The following SGCD variants were observed in gnomAD, a reference collection of about 807,000 sequenced individuals.
SGCD encodes delta-sarcoglycan.
SGCD carries 18 observed loss-of-function variants against 36.6 expected under a neutral mutation model. The ratio of observed to expected loss-of-function variants is 0.49; its 90% CI spans 0.34 to 0.73. The LOEUF is 0.73. SGCD is among the 30% of genes least tolerant of loss of function. SGCD has a pLI of 0.01. For synonymous variants in SGCD, 133 were observed against 130.6 expected, an observed-to-expected ratio of 1.02 and a Z score of -0.12; for missense variants, 387 against 346.7, an observed-to-expected ratio of 1.12 and a Z score of -0.92.
chr5:156,616,224 G>A (rs987929868), intron 6 of SGCD, among the ~76,000 whole-genome samples: 2 of 152,196 alleles, frequency 1.3e-5, no homozygotes, highest in Admixed American at 6.5e-5. Context: ...ACGATGGCCT[G>A]AGTTTTATTC....
At chr5:156,493,287 A>G (rs1175528327) in intron 3 of SGCD, among the ~76,000 whole-genome samples, 1 of 152,200 alleles carries the variant, frequency 6.6e-6, no homozygotes, top group African/African-American at 2.4e-5. Context: ...AATGTTGACC[A>G]TACAATAACT....
chr5:156,344,980 A>G (rs1768872835), intron 3 of SGCD, among the ~76,000 whole-genome samples: 1 of 152,248 alleles, frequency 6.6e-6, no homozygotes, highest in South Asian at 2.1e-4. Flanking sequence ...CACTTTGATT[A>G]AATAATTAAG....
intron 3 of SGCD, among the ~76,000 whole-genome samples, chr5:156,421,415 A>G (rs1176479639): frequency 6.6e-6 from 1 of 152,068 alleles, no homozygotes. Context: ...TCATATTAGT[A>G]TTGGTTTCTT....
intron 1 of SGCD, among the ~76,000 whole-genome samples, chr5:156,045,032 A>G (rs1581059885): frequency 6.6e-6 from 1 of 152,170 alleles, no homozygotes; most frequent in Non-Finnish European, 1.5e-5. Context: ...TGGTCAGGTG[A>G]GCACCTTCTT....
chr5:155,937,649 T>G (rs537027568), intron 1 of SGCD, among the ~76,000 whole-genome samples: 1 of 152,300 alleles, frequency 6.6e-6, no homozygotes, highest in South Asian at 2.1e-4. Flanking sequence ...TTCAGAGCAC[T>G]GTGGTCAAGA....
At chr5:156,136,512 T>C (rs759038808) in intron 3 of SGCD, among the ~76,000 whole-genome samples, 2 of 152,204 alleles carry the variant, frequency 1.3e-5, no homozygotes, top group Non-Finnish European at 2.9e-5. Context: ...TGTGTTTGGA[T>C]CCACTTAAGT....
At chr5:156,098,122 T>C (rs1315618988) in intron 1 of SGCD, among the ~76,000 whole-genome samples, 1 of 152,198 alleles carries the variant, frequency 6.6e-6, no homozygotes, top group African/African-American at 2.4e-5. Flanking sequence ...AAGAAGTATT[T>C]TGAGTCCACA....
the SGCD span, among the ~76,000 whole-genome samples, chr5:155,754,003 A>C: frequency 6.6e-6 from 1 of 151,948 alleles, no homozygotes; most frequent in East Asian, 1.9e-4. Flanking sequence ...GACATGATTC[A>C]CTCATTGATA....
At chr5:156,262,990 C>T (rs914880792) in intron 3 of SGCD, among the ~76,000 whole-genome samples, 2 of 151,746 alleles carry the variant, frequency 1.3e-5, no homozygotes, top group African/African-American at 4.8e-5. Flanking sequence ...TATTTATCTA[C>T]TCATTGGTTT....
chr5:155,758,284 A>G, the SGCD span, among the ~76,000 whole-genome samples: 1 of 152,288 alleles, frequency 6.6e-6, no homozygotes, highest in Non-Finnish European at 1.5e-5. Flanking sequence ...ACCAGGCTAT[A>G]ACAGCCGTGG....
intron 3 of SGCD, among the ~76,000 whole-genome samples, chr5:156,360,215 G>T (rs989939957): frequency 6.6e-6 from 1 of 151,014 alleles, no homozygotes; most frequent in Non-Finnish European, 1.5e-5. Flanking sequence ...CCTACCCTTC[G>T]CCTATTTTAC....
chr5:156,718,571 G>A (rs1755331495), intron 7 of SGCD, among the ~76,000 whole-genome samples: 2 of 151,954 alleles, frequency 1.3e-5, no homozygotes, highest in African/African-American at 4.8e-5. Flanking sequence ...CTGGAGCCCA[G>A]GAGTTTGAGA....
At chr5:156,087,221 G>A (rs187744214) in intron 1 of SGCD, among the ~76,000 whole-genome samples, 30 of 152,304 alleles carry the variant, frequency 2.0e-4, no homozygotes, top group African/African-American at 5.3e-4. Context: ...AGGGTCAGAC[G>A]TGATGTGAAT....
At chr5:156,209,754 C>T (rs1250386589) in intron 3 of SGCD, among the ~76,000 whole-genome samples, 1 of 152,222 alleles carries the variant, frequency 6.6e-6, no homozygotes, top group Admixed American at 6.5e-5. Flanking sequence ...CCTCAGGTCT[C>T]AGCAGACCTT....
At position 156,469,538 on chromosome 5, in the gene SGCD, A is replaced by G. The variant is rs147660275; in HGVS notation, c.193-39063A>G. On this transcript the variant is annotated intron_variant, in intron 3 of 8. Transcript: ENST00000337851. ...TGAATATTAGTATTTTGGAAAATCA[A>G]TTGAAGTGAAACAACTCATTCCTTA... Among the ~76,000 whole-genome samples the G allele has an allele frequency of 7.9e-5, 12 of 152,354 alleles. No homozygotes were observed. The East Asian group carries it at 1.5e-3, about 20-fold the overall frequency.
the SGCD span, among the ~76,000 whole-genome samples, chr5:155,737,681 A>G: frequency 6.7e-6 from 1 of 148,962 alleles, no homozygotes; most frequent in Admixed American, 6.7e-5. Context: ...CCAGTGTAGA[A>G]CTCAGGCTCA....
the SGCD span, among the ~76,000 whole-genome samples, chr5:155,800,678 C>T: frequency 6.6e-6 from 1 of 151,960 alleles, no homozygotes; most frequent in Non-Finnish European, 1.5e-5. Context: ...ACTCCCAAGC[C>T]CTTTCAATTT....
chr5:155,913,415 C>A (rs575628975), intron 1 of SGCD, among the ~76,000 whole-genome samples: 13 of 152,158 alleles, frequency 8.5e-5, no homozygotes, highest in Admixed American at 8.5e-4. Context: ...AACTTTAGAC[C>A]AGGTTCCTAT....
chr5:155,738,643 TGTGTGTGTGTGAGAGA>T, the SGCD span, among the ~76,000 whole-genome samples: 1 of 151,258 alleles, frequency 6.6e-6, no homozygotes, highest in African/African-American at 2.4e-5. Flanking sequence ...TCTGTGAGAG[TGTGTGTGTGTGAGAGA>T]GTGTGTGTGT....
Sources: gnomAD v4.1 joint callset for allele counts (sites outside exome capture counted in the v4.1 genomes callset) on GRCh38, gnomAD v4.1.1 for gene constraint, MANE v1.5 for transcripts, NCBI Gene and HGNC (gene_info 2026-07-23, HGNC 2026-07-21) for gene names.